The following CPXM2 variants were observed in gnomAD, a reference collection of about 807,000 sequenced individuals.
The protein encoded by CPXM2 is carboxypeptidase X, M14 family member 2, also known as inactive carboxypeptidase-like protein X2.
In CPXM2, 66 loss-of-function variants were observed where a neutral mutation model predicts 86.1. The ratio of observed to expected loss-of-function variants is 0.77; its 90% CI spans 0.63 to 0.94. The LOEUF is 0.94. Ranked by LOEUF, CPXM2 falls within the 40% of genes least tolerant of loss-of-function variation. CPXM2 has a pLI of 0.00. For missense variants in CPXM2, 948 were observed against 1,026.3 expected, an observed-to-expected ratio of 0.92 and a Z score of 1.04; for synonymous variants, 388 against 400.2, an observed-to-expected ratio of 0.97 and a Z score of 0.36.
intron 2 of CPXM2, among the ~76,000 whole-genome samples, chr10:123,910,949 G>T (rs903664520): frequency 6.6e-6 from 1 of 152,072 alleles, no homozygotes; most frequent in African/African-American, 2.4e-5. Context: ...CCATCGTGCT[G>T]CTATGTCTGG....
intron 1 of CPXM2, among the ~76,000 whole-genome samples, chr10:123,887,415 G>A (rs569628256): frequency 3.4e-4 from 52 of 152,278 alleles, no homozygotes; most frequent in African/African-American, 1.2e-3. Context: ...CTGTACATGT[G>A]ATAAAAACTA....
At chr10:123,848,563 T>C (rs144440161) in intron 3 of CPXM2, among the ~76,000 whole-genome samples, 31 of 152,342 alleles carry the variant, frequency 2.0e-4, no homozygotes, top group African/African-American at 7.2e-4. Flanking sequence ...TGAAGAAATA[T>C]ACTAACTGAA....
At chr10:123,850,563 GC>G (rs1848579376) in intron 3 of CPXM2, among the ~76,000 whole-genome samples, 1 of 152,214 alleles carries the variant, frequency 6.6e-6, no homozygotes, top group South Asian at 2.1e-4. Flanking sequence ...TCACTTAGCA[GC>G]CATCTTGGTT....
chr10:123,772,782 T>TGTGG (rs1301374056), intron 7 of CPXM2, among the ~76,000 whole-genome samples: 1 of 151,922 alleles, frequency 6.6e-6, no homozygotes, highest in East Asian at 1.9e-4. Context: ...GCTCCCTGGT[T>TGTGG]GTGGTTATCA....
chr10:123,856,478 G>A (rs1252507025), intron 3 of CPXM2, among the ~76,000 whole-genome samples: 3 of 152,192 alleles, frequency 2.0e-5, no homozygotes, highest in African/African-American at 7.2e-5. Flanking sequence ...AGGATTCTTT[G>A]GGGTGGGGCA....
At chr10:123,830,872 C>CTCTGTGTGTGTG (rs1258897184) in intron 4 of CPXM2, among the ~76,000 whole-genome samples, 88 of 142,798 alleles carry the variant, frequency 6.2e-4, no homozygotes, top group African/African-American at 2.2e-3. Context: ...CTCTCTCTCT[C>CTCTGTGTGTGTG]TGTGTGTGTG....
At chr10:123,886,361 G>C (rs1945177724) in intron 1 of CPXM2, among the ~76,000 whole-genome samples, 1 of 152,168 alleles carries the variant, frequency 6.6e-6, no homozygotes, top group Admixed American at 6.5e-5. Flanking sequence ...GAAAAGAGAA[G>C]GAAAGCTTAA....
chr10:123,823,714 A>C (rs1240706644), intron 4 of CPXM2, among the ~76,000 whole-genome samples: 1 of 152,224 alleles, frequency 6.6e-6, no homozygotes, highest in African/African-American at 2.4e-5. Flanking sequence ...TTGGTCAATA[A>C]GAGACAAATT....
At chr10:123,873,953 G>T (rs1456876869) in intron 2 of CPXM2, among the ~76,000 whole-genome samples, 3 of 149,904 alleles carry the variant, frequency 2.0e-5, no homozygotes, top group African/African-American at 7.4e-5. Flanking sequence ...TCCACCTCCA[G>T]GGCTCAAGTG....
rs982124865 is a variant in CPXM2, at chr10:123,891,301, G to C, written c.304+55C>G. 1.5e-6 allele frequency: 2 copies of C among 1,376,762 alleles called. No homozygotes were observed. The allele number at this position is 1,376,762 out of a possible 1,614,324, so 85.3% of individuals were successfully genotyped here. A position where few individuals can be genotyped will look rare whatever the true frequency, so the allele number is the denominator to read the frequency against. ...AATGGGAGAAGCCAGTTGTCCCCTG[G>C]AGGCGCGCAACCACCGGCGCCCCCT... On this transcript the variant is annotated intron_variant, in intron 1 of 13. Transcript: ENST00000241305. The surrounding 1 kb of genome is among the most constrained non-coding windows in gnomAD (Gnocchi z 5.6).
upstream of CPXM2, among the ~76,000 whole-genome samples, chr10:123,940,680 C>T (rs190351318): frequency 2.0e-4 from 31 of 152,326 alleles, no homozygotes; most frequent in Non-Finnish European, 4.0e-4. Context: ...TTTAAACCAA[C>T]GCTGAGTTGT....
At chr10:123,922,406 G>A (rs1438520214) in intron 2 of CPXM2, among the ~76,000 whole-genome samples, 2 of 152,186 alleles carry the variant, frequency 1.3e-5, no homozygotes, top group Non-Finnish European at 2.9e-5. Context: ...GGGTAAAAAT[G>A]TTTCTGGATG....
chr10:123,766,705 CAT>C (rs762835673), intron 10 of CPXM2, among the ~76,000 whole-genome samples: 23 of 152,188 alleles, frequency 1.5e-4, no homozygotes, highest in Non-Finnish European at 2.8e-4. Flanking sequence ...TAGTAACAAA[CAT>C]GTGCAATTCA....
At chr10:123,927,234 T>G (rs1458006482) in intron 2 of CPXM2, among the ~76,000 whole-genome samples, 2 of 152,224 alleles carry the variant, frequency 1.3e-5, no homozygotes, top group Non-Finnish European at 2.9e-5. Context: ...CTACCTCCCT[T>G]GAGGCTTCTG....
At chr10:123,928,320 G>A (rs1440201684) in intron 2 of CPXM2, among the ~76,000 whole-genome samples, 1 of 152,182 alleles carries the variant, frequency 6.6e-6, no homozygotes, top group Non-Finnish European at 1.5e-5. Context: ...CCCTGGGAGT[G>A]GTGGACTGTT....
intron 2 of CPXM2, among the ~76,000 whole-genome samples, chr10:123,876,541 T>C (rs571657208): frequency 3.9e-5 from 6 of 152,178 alleles, no homozygotes; most frequent in Non-Finnish European, 8.8e-5. Context: ...TGACAAACTA[T>C]AGCCCATGTA....
At chr10:123,880,188 G>C in intron 2 of CPXM2, 23 bp downstream of exon 2, 2 of 968,454 alleles carry the variant, frequency 2.1e-6, no homozygotes, top group South Asian at 1.3e-5. Flanking sequence ...CTGGTGTAGG[G>C]GCTCTCCGAG....
At chr10:123,774,979 T>A (rs943946383) in intron 7 of CPXM2, among the ~76,000 whole-genome samples, 1 of 152,238 alleles carries the variant, frequency 6.6e-6, no homozygotes, top group Non-Finnish European at 1.5e-5. Flanking sequence ...CTCATCATCA[T>A]GACTGGCAGG....
At chr10:123,770,807 C>T in intron 8 of CPXM2, 109 bp downstream of exon 8, 1 of 1,214,000 alleles carries the variant, frequency 8.2e-7, no homozygotes, top group Non-Finnish European at 1.1e-6. Flanking sequence ...GTGGTGTGGA[C>T]AGCTGATGCC....
Sources: gnomAD v4.1 joint callset for allele counts (sites outside exome capture counted in the v4.1 genomes callset) on GRCh38, gnomAD v4.1.1 for gene constraint, Gnocchi (gnomAD v3.1) non-coding constraint, MANE v1.5 for transcripts, NCBI Gene and HGNC (gene_info 2026-07-23, HGNC 2026-07-21) for gene names.